PTPRF: variants seen among roughly 807,000 people sequenced by gnomAD.
The protein encoded by PTPRF is receptor-type tyrosine-protein phosphatase F.
In PTPRF, 59 loss-of-function variants were observed where a neutral mutation model predicts 201.8. That is an observed-to-expected ratio of 0.29 (90% CI 0.24 to 0.36). PTPRF has a LOEUF of 0.36. Ranked by LOEUF, PTPRF falls within the 10% of genes least tolerant of loss-of-function variation. PTPRF has a pLI of 1.00. For missense variants in PTPRF, 2,132 were observed against 2,690.5 expected (o/e 0.79, Z 4.59); for synonymous variants, 1,088 against 1,089.7 (o/e 1.00, Z 0.03).
At chr1:43,578,688 T>C in intron 6 of PTPRF, 122 bp from the exon 7 acceptor site, 1 of 714,360 alleles carries the variant, frequency 1.4e-6, no homozygotes, top group Admixed American at 2.4e-5. Flanking sequence ...TGCCAGGGTG[T>C]GGCCTGGATG....
At chr1:43,538,758 A>G (rs909442748) in intron 2 of PTPRF, among the ~76,000 whole-genome samples, 3 of 152,188 alleles carry the variant, frequency 2.0e-5, no homozygotes, top group African/African-American at 4.8e-5. Flanking sequence ...TGTCGTAGAA[A>G]GAGCTTGGTG....
chr1:43,593,161 G>A (rs1046035890), intron 11 of PTPRF, among the ~76,000 whole-genome samples: 3 of 151,588 alleles, frequency 2.0e-5, no homozygotes, highest in South Asian at 2.1e-4. Context: ...TTGTGACCAC[G>A]TGGCCGTGCA....
intron 5 of PTPRF, among the ~76,000 whole-genome samples, chr1:43,568,923 A>G (rs1214284910): frequency 6.6e-6 from 1 of 152,218 alleles, no homozygotes; most frequent in African/African-American, 2.4e-5. Flanking sequence ...CATGGTCTGC[A>G]GCCCTGACCG....
intron 11 of PTPRF, among the ~76,000 whole-genome samples, chr1:43,593,761 G>A (rs921975233): frequency 2.0e-5 from 3 of 150,854 alleles, no homozygotes; most frequent in African/African-American, 4.9e-5. Flanking sequence ...CAAGGTGGGC[G>A]GATCACCTGA....
In PTPRF at chr1:43,619,453, G is replaced by C. The variant is rs534300111; in HGVS notation, c.4812G>C (p.Leu1604=). ...AGTACGTGTTCATCCATGAGGCGCTGCTGGAGGCTGCCACGTGCGGCCACA... is the reference window on the plus strand; with the variant it reads ...AGTACGTGTTCATCCATGAGGCGCTCCTGGAGGCTGCCACGTGCGGCCACA... The part of the protein sequence containing the change: ...EDQYVFIHEA[L]LEAATCGHTE... The change falls in exon 28 of 34, where the codon CTG becomes CTC. Residue 1604 remains leucine, a synonymous_variant. Transcript: ENST00000359947. 1.2e-6 allele frequency: 2 copies of C among 1,614,098 alleles called. No homozygotes were observed. Among genetic ancestry groups the C allele is most frequent in the East Asian group, 4.5e-5 (2 of 44,888 alleles).
chr1:43,620,149 C>T lies in PTPRF; in HGVS notation c.5166C>T (p.Asp1722=). ...GGCCTCTGGCAGAGAGCACCGAGGA[C>T]TTCTGGCGCATGCTATGGGAGCACA... ...TQGPLAESTE[D]FWRMLWEHNS... is the part of the protein sequence containing the mutation. The change falls in exon 30 of 34, where the codon GAC becomes GAT. Residue 1722 remains aspartate, a synonymous_variant. Transcript: ENST00000359947. The T allele has an allele frequency of 6.2e-7, 1 of 1,614,120 alleles. No individual in the cohort carries two copies. Among genetic ancestry groups the T allele is most frequent in the Non-Finnish European group, 8.5e-7 (1 of 1,179,974 alleles).
In PTPRF at chr1:43,565,480, T is replaced by C. The variant is rs1435445813; in HGVS notation, c.380-4110T>C. ...GGAGACCCTAGGGAATGTGTGTGCA[T>C]GTTGTCTATGCATGCGGGTAGAATC... On this transcript the variant is annotated intron_variant, in intron 5 of 33. Transcript: ENST00000359947. Among the ~76,000 whole-genome samples the C allele has an allele frequency of 2.0e-5, 3 of 152,202 alleles. No individual in the cohort carries two copies. In the South Asian group the frequency reaches 6.2e-4, roughly 32 times the overall value.
intron 19 of PTPRF, among the ~76,000 whole-genome samples, 182 bp downstream of exon 19, chr1:43,605,804 A>G (rs746611104): frequency 3.3e-5 from 5 of 152,174 alleles, no homozygotes; most frequent in South Asian, 2.1e-4. Context: ...GGGAGTATTC[A>G]CAGAACTCCC....
chr1:43,621,935 G>T lies in PTPRF; in HGVS notation c.5656G>T (p.Asp1886Tyr). The T allele has an allele frequency of 6.2e-7, 1 of 1,614,132 alleles. No individual in the cohort carries two copies. The highest frequency in any genetic ancestry group is 8.5e-7 in the Non-Finnish European group (1 of 1,180,018). The change falls in exon 34 of 34, where the codon GAC (aspartate) becomes TAC (tyrosine). Residue 1886 changes from aspartate (D) to tyrosine (Y), a missense_variant and splice_region_variant. Physicochemically the swap from Asp to Tyr is radical, Grantham distance 160. Coordinates refer to ENST00000359947, the MANE Select transcript of PTPRF (RefSeq NM_002840.5). ...TQRPAMVQTEDQYQLCYRAAL... is the reference protein window; with the variant it reads ...TQRPAMVQTEYQYQLCYRAAL... ...ACTGACCAGCCCCCTATCCTGGCAG[G>T]ACCAGTATCAGCTGTGCTACCGTGC...
chr1:43,620,073 TC>T (rs1658825595), intron 29 of PTPRF, 21 bp from the exon 30 acceptor site: 1 of 1,613,480 alleles, frequency 6.2e-7, no homozygotes, highest in African/African-American at 1.3e-5. Flanking sequence ...CTCCAGCATG[TC>T]CAGTCTTATG....
intron 3 of PTPRF, among the ~76,000 whole-genome samples, chr1:43,549,090 G>A (rs1353468032): frequency 1.3e-5 from 2 of 152,210 alleles, no homozygotes; most frequent in Non-Finnish European, 1.5e-5. Flanking sequence ...AGGGCTGTGC[G>A]GCCCCCGACC....
chr1:43,592,330 T>G, intron 10 of PTPRF, 127 bp from the exon 11 acceptor site: 1 of 1,193,410 alleles, frequency 8.4e-7, no homozygotes. Flanking sequence ...CATGTGGCCT[T>G]ATGGTGTGGA....
chr1:43,620,736 A>G, intron 31 of PTPRF, 102 bp from the exon 32 acceptor site: 2 of 1,528,222 alleles, frequency 1.3e-6, no homozygotes, highest in South Asian at 2.5e-5. Flanking sequence ...GGGTGCAGTG[A>G]CACAGATGCA....
At chr1:43,569,154 G>T (rs993300550) in intron 5 of PTPRF, among the ~76,000 whole-genome samples, 2 of 152,138 alleles carry the variant, frequency 1.3e-5, no homozygotes, top group Non-Finnish European at 2.9e-5. Flanking sequence ...GGGAGAGGGG[G>T]CTGGACAGCA....
intron 23 of PTPRF, 71 bp downstream of exon 23, chr1:43,613,786 G>T: frequency 7.4e-7 from 1 of 1,353,424 alleles, no homozygotes; most frequent in Non-Finnish European, 1.1e-6. Flanking sequence ...CCTGTCCTAG[G>T]TCCCAGCTGT....
Position 43,531,407 on chromosome 1 carries a change from C to A in PTPRF, c.-126+317C>A, listed in dbSNP as rs558762625. Among the ~76,000 whole-genome samples, 7 of 143,560 alleles carry A rather than the reference C, an allele frequency of 4.9e-5. No individual in the cohort carries two copies. The East Asian group carries it at 6.4e-4, about 13-fold the overall frequency. The allele number at this position is 143,560 out of a possible 152,430, so 94.2% of individuals were successfully genotyped here. On this transcript the variant is annotated intron_variant, in intron 1 of 33. Transcript: ENST00000359947. Reference sequence around the variant, plus strand: ...CACCTTAGCCGCAGCCCGCCCCCCCCACCCAGCGCAAAGTTTCCCGTTTGC... The same window carrying A: ...CACCTTAGCCGCAGCCCGCCCCCCCAACCCAGCGCAAAGTTTCCCGTTTGC...
At chr1:43,584,276 C>G (rs3791136) in intron 7 of PTPRF, among the ~76,000 whole-genome samples, 10 of 152,070 alleles carry the variant, frequency 6.6e-5, no homozygotes, top group African/African-American at 2.2e-4. Flanking sequence ...AGGCCATCCT[C>G]GTTCCCTCTG....
Position 43,618,631 on chromosome 1 carries a change from TA to T in PTPRF, c.4377del (p.Lys1459AsnfsTer19). On this transcript the variant is annotated frameshift_variant and splice_region_variant, in exon 26 of 34. Transcript: ENST00000359947. LOFTEE classifies it high-confidence loss of function. ...MMTRLEEKSR[V>X]KCDQYWPARG... ...CCTGCCCTGCTCATCCTCCTGCAGG[TA>T]AAATGTGATCAGTACTGGCCAGCCC... 6.3e-7 allele frequency: 1 copy of T among 1,595,924 alleles called. No individual in the cohort carries two copies. Among genetic ancestry groups the T allele is most frequent in the Non-Finnish European group, 8.6e-7 (1 of 1,165,148 alleles).
At chr1:43,610,530 G>C (rs1183218060) in intron 22 of PTPRF, among the ~76,000 whole-genome samples, 1 of 152,270 alleles carries the variant, frequency 6.6e-6, no homozygotes, top group Non-Finnish European at 1.5e-5. Context: ...ATTTAAAGCA[G>C]GGGTTGGCAG....
Sources: allele counts gnomAD v4.1 joint callset (sites outside exome capture counted in the v4.1 genomes callset), GRCh38; gene constraint gnomAD v4.1.1; transcripts MANE v1.5; gene names NCBI Gene and HGNC (gene_info 2026-07-23, HGNC 2026-07-21).